The following FSTL5 variants were observed in gnomAD, a reference collection of about 807,000 sequenced individuals.
The protein encoded by FSTL5 is follistatin like 5.
A neutral mutation model predicts 89.1 loss-of-function variants in FSTL5; 62 were observed. The ratio of observed to expected loss-of-function variants is 0.70; its 90% CI spans 0.57 to 0.86. The LOEUF is 0.86. Among genes scored for constraint, FSTL5 ranks in the 40% least tolerant of loss-of-function variants. The probability of loss-of-function intolerance (pLI) is 0.00; values close to 1 mark genes in which losing one functional copy is unlikely to be tolerated. For synonymous variants in FSTL5, 383 were observed against 346.2 expected, an observed-to-expected ratio of 1.11 and a Z score of -1.18; for missense variants, 1,057 against 1,001.6, an observed-to-expected ratio of 1.06 and a Z score of -0.75.
At chr4:161,928,325 T>C (rs575510721) in intron 3 of FSTL5, among the ~76,000 whole-genome samples, 1 of 151,988 alleles carries the variant, frequency 6.6e-6, no homozygotes, top group African/African-American at 2.4e-5. Context: ...GGCATCTTAG[T>C]TGCTTCTCAG....
At chr4:161,835,600 T>C (rs1002817754) in intron 4 of FSTL5, among the ~76,000 whole-genome samples, 1 of 151,474 alleles carries the variant, frequency 6.6e-6, no homozygotes, top group African/African-American at 2.4e-5. Context: ...CTCAAACAAA[T>C]TTACAAGAAA....
At chr4:161,495,198 T>C (rs904561475) in intron 12 of FSTL5, 1 of 152,260 alleles carries the variant, frequency 6.6e-6, no homozygotes. Flanking sequence ...AGTAATACCA[T>C]GGCATATGTG....
chr4:161,833,763 G>A (rs1488160795), intron 4 of FSTL5, among the ~76,000 whole-genome samples: 1 of 151,360 alleles, frequency 6.6e-6, no homozygotes, highest in Non-Finnish European at 1.5e-5. Flanking sequence ...TTTATTTTGA[G>A]CCTATGTGTG....
chr4:161,721,615 C>T (rs1241171254), intron 6 of FSTL5, among the ~76,000 whole-genome samples: 6 of 152,148 alleles, frequency 3.9e-5, no homozygotes, highest in Admixed American at 3.9e-4. Flanking sequence ...AAGCCAGGCT[C>T]CCCCACTTCC....
In FSTL5 at chr4:161,945,549, C is replaced by T. The variant is rs1281448628; in HGVS notation, c.161-24897G>A. ...CAGTTGGATCACGAGGTCAGGAGTT[C>T]GACACCAGCCTGTTCAATATGGTAA... On this transcript the variant is annotated intron_variant, in intron 3 of 15. Transcript: ENST00000306100. 2.6e-5 allele frequency among the ~76,000 whole-genome samples: 4 copies of T among 152,176 alleles called. No individual in the cohort carries two copies. In the East Asian group the frequency reaches 5.8e-4, roughly 22 times the overall value.
chr4:162,094,734 T>C (rs1730682449), intron 2 of FSTL5, among the ~76,000 whole-genome samples: 1 of 152,142 alleles, frequency 6.6e-6, no homozygotes, highest in Non-Finnish European at 1.5e-5. Context: ...CAACAGTATA[T>C]AGTAATTAGT....
At chr4:161,469,020 A>G (rs1025793494) in intron 13 of FSTL5, among the ~76,000 whole-genome samples, 2 of 152,194 alleles carry the variant, frequency 1.3e-5, no homozygotes, top group Non-Finnish European at 2.9e-5. Flanking sequence ...ATGAATCTCC[A>G]TAATTCTTTT....
intron 6 of FSTL5, among the ~76,000 whole-genome samples, chr4:161,734,134 A>G (rs1288627469): frequency 2.0e-5 from 3 of 152,166 alleles, no homozygotes; most frequent in African/African-American, 7.2e-5. Flanking sequence ...GCATTTTAAT[A>G]GGAGGGAAAT....
intron 1 of FSTL5, among the ~76,000 whole-genome samples, chr4:162,141,904 C>T (rs1732763323): frequency 6.6e-6 from 1 of 151,864 alleles, no homozygotes; most frequent in Middle Eastern, 3.2e-3. Context: ...AAAAAGTGTA[C>T]ACAGGTAGAA....
chr4:161,574,456 A>G (rs1307418520), intron 8 of FSTL5, among the ~76,000 whole-genome samples: 1 of 151,536 alleles, frequency 6.6e-6, no homozygotes, highest in Non-Finnish European at 1.5e-5. Flanking sequence ...TCAACCCATA[A>G]TCTAGGTTTT....
At chr4:161,549,094 A>C (rs1732107887) in intron 8 of FSTL5, among the ~76,000 whole-genome samples, 1 of 151,668 alleles carries the variant, frequency 6.6e-6, no homozygotes, top group Non-Finnish European at 1.5e-5. Flanking sequence ...TGAATTCTAG[A>C]CCTCAGATTT....
chr4:161,419,689 T>C (rs1160867132), intron 15 of FSTL5, among the ~76,000 whole-genome samples: 6 of 152,164 alleles, frequency 3.9e-5, no homozygotes, highest in African/African-American at 4.8e-5. Flanking sequence ...TCAGAATAAA[T>C]TGCAACTGGC....
chr4:161,903,117 A>G (rs1473855928), intron 4 of FSTL5, among the ~76,000 whole-genome samples: 3 of 152,186 alleles, frequency 2.0e-5, no homozygotes, highest in African/African-American at 7.2e-5. Flanking sequence ...CTATCCTTAC[A>G]GGATGTCAAA....
At chr4:162,114,509 T>G (rs1462466561) in intron 1 of FSTL5, among the ~76,000 whole-genome samples, 1 of 143,476 alleles carries the variant, frequency 7.0e-6, no homozygotes, top group African/African-American at 2.6e-5. Flanking sequence ...TCTTCTTCCC[T>G]CTCTTTCTCT....
intron 1 of FSTL5, among the ~76,000 whole-genome samples, chr4:162,148,384 C>T (rs1173817579): frequency 6.6e-6 from 1 of 152,060 alleles, no homozygotes; most frequent in Non-Finnish European, 1.5e-5. Context: ...ATCCTAAATT[C>T]CTTTTGTGTC....
At chr4:161,459,409 T>C (rs1311643715) in intron 13 of FSTL5, 90 bp from the exon 14 acceptor site, 1 of 726,916 alleles carries the variant, frequency 1.4e-6, no homozygotes, top group East Asian at 2.6e-5. Context: ...AATTTAGATG[T>C]CAGATTAAAA....
intron 1 of FSTL5, among the ~76,000 whole-genome samples, chr4:162,152,142 T>C (rs1245964100): frequency 1.3e-5 from 2 of 152,156 alleles, no homozygotes; most frequent in Non-Finnish European, 2.9e-5. Flanking sequence ...CCTCAGGACA[T>C]GTAGAGAAAC....
In FSTL5 at chr4:161,631,023, A is replaced by T. The variant is rs576211687; in HGVS notation, c.894+25305T>A. ...TAAATAATCAAGCAAAATATAAGCA[A>T]ATTAACTCATTATATGCCATGTTAA... On this transcript the variant is annotated intron_variant, in intron 7 of 15. Coordinates refer to ENST00000306100, the MANE Select transcript of FSTL5 (RefSeq NM_020116.5). Among the ~76,000 whole-genome samples the T allele has an allele frequency of 3.3e-5, 5 of 152,334 alleles. No individual in the cohort carries two copies. In the South Asian group the frequency reaches 1.0e-3, roughly 32 times the overall value.
intron 4 of FSTL5, among the ~76,000 whole-genome samples, chr4:161,861,916 C>T (rs1346920919): frequency 6.6e-6 from 1 of 152,182 alleles, no homozygotes; most frequent in Admixed American, 6.5e-5. Context: ...TTCCATCTCA[C>T]TGAAAAGTAA....
Sources: gnomAD v4.1 joint callset for allele counts (sites outside exome capture counted in the v4.1 genomes callset) on GRCh38, gnomAD v4.1.1 for gene constraint, MANE v1.5 for transcripts, NCBI Gene and HGNC (gene_info 2026-07-23, HGNC 2026-07-21) for gene names.